The following DLGAP2 variants were observed in gnomAD, a reference collection of about 807,000 sequenced individuals.
DLGAP2 encodes the protein DLG associated protein 2.
A neutral mutation model predicts 100.3 loss-of-function variants in DLGAP2; 26 were observed. The ratio of observed to expected loss-of-function variants is 0.26; its 90% CI spans 0.19 to 0.36. DLGAP2 has a LOEUF of 0.36. DLGAP2 is among the 10% of genes least tolerant of loss of function. The pLI is 1.00. For synonymous variants in DLGAP2, 886 were observed against 630.1 expected (o/e 1.41, Z -6.08); for missense variants, 1,858 against 1,453.2 (o/e 1.28, Z -4.53).
At chr8:783,583 T>C (rs1411326697) in intron 1 of DLGAP2, among the ~76,000 whole-genome samples, 1 of 152,086 alleles carries the variant, frequency 6.6e-6, no homozygotes, top group Non-Finnish European at 1.5e-5. Context: ...GGCTGTGATA[T>C]GAGATGGTTT....
At chr8:1,287,157 T>TGTGCGCGC (rs1315463950) in intron 3 of DLGAP2, among the ~76,000 whole-genome samples, 162 of 99,508 alleles carry the variant, frequency 1.6e-3, no homozygotes, top group African/African-American at 5.0e-3. Context: ...TGTGTGTGTG[T>TGTGCGCGC]GCGCGCGCGC....
chr8:981,367 T>C (rs1800326438), intron 2 of DLGAP2, among the ~76,000 whole-genome samples: 1 of 152,120 alleles, frequency 6.6e-6, no homozygotes, highest in Non-Finnish European at 1.5e-5. Context: ...TATTGTGCTA[T>C]TGTGAATAAG....
At chr8:787,367 G>A (rs1174619226) in intron 1 of DLGAP2, among the ~76,000 whole-genome samples, 1 of 152,158 alleles carries the variant, frequency 6.6e-6, no homozygotes, top group Non-Finnish European at 1.5e-5. Context: ...ATATACCCCT[G>A]GTTAGCCATG....
intron 1 of DLGAP2, among the ~76,000 whole-genome samples, chr8:905,738 C>T (rs1798365534): frequency 6.6e-6 from 1 of 152,160 alleles, no homozygotes. Context: ...GGCGCCAGCT[C>T]CCATGGAGGT....
chr8:1,543,368 A>G (rs896331146), intron 4 of DLGAP2, among the ~76,000 whole-genome samples: 2 of 152,256 alleles, frequency 1.3e-5, no homozygotes, highest in Non-Finnish European at 2.9e-5. Flanking sequence ...ATTTTTGCAG[A>G]TTTTGTAAGA....
At chr8:1,552,267 A>T (rs1486643576) in intron 5 of DLGAP2, among the ~76,000 whole-genome samples, 1 of 152,224 alleles carries the variant, frequency 6.6e-6, no homozygotes, top group Non-Finnish European at 1.5e-5. Flanking sequence ...GGGAGCAGCC[A>T]CGGCTTTCAT....
rs199693205 is a variant in DLGAP2, at chr8:1,697,315, C to A, written c.2949+16C>A. On this transcript the variant is annotated intron_variant, in intron 14 of 14. Transcript: ENST00000637795. ...GGAAAGAAAGGTAAGGGCATCCATGCAGGGCCGGCTCCCAGCAAACCCCCT... is the reference window on the plus strand; with the variant it reads ...GGAAAGAAAGGTAAGGGCATCCATGAAGGGCCGGCTCCCAGCAAACCCCCT... 414 of 1,580,964 alleles carry A rather than the reference C, an allele frequency of 2.6e-4. 1 individual carries two copies. The highest frequency in any genetic ancestry group is 1.7e-4 in the Middle Eastern group (1 of 5,924).
chr8:1,003,159 A>G (rs1372804186), intron 2 of DLGAP2: 2 of 152,204 alleles, frequency 1.3e-5, no homozygotes, highest in Non-Finnish European at 2.9e-5. Flanking sequence ...CTCCTTCAGG[A>G]TGGCGCAGGG....
intron 2 of DLGAP2, among the ~76,000 whole-genome samples, chr8:918,578 G>T (rs1327907974): frequency 2.6e-5 from 4 of 152,184 alleles, no homozygotes; most frequent in Admixed American, 6.5e-5. Context: ...GGTGTTCACC[G>T]CAGTCTTCTG....
At chr8:1,031,334 A>G (rs935750351) in intron 2 of DLGAP2, among the ~76,000 whole-genome samples, 7 of 152,030 alleles carry the variant, frequency 4.6e-5, no homozygotes, top group African/African-American at 1.7e-4. Flanking sequence ...TGCTAGAAGC[A>G]TGTTAGTTAC....
intron 6 of DLGAP2, among the ~76,000 whole-genome samples, chr8:1,575,970 C>T (rs998708640): frequency 1.5e-4 from 23 of 152,090 alleles, no homozygotes; most frequent in African/African-American, 2.4e-4. Flanking sequence ...TATAGTCCTT[C>T]CGGTATATAC....
intron 3 of DLGAP2, chr8:1,302,230 CAT>C (rs1461209987): frequency 6.6e-6 from 1 of 150,820 alleles, no homozygotes; most frequent in African/African-American, 2.5e-5. Context: ...AGCTCTGCTC[CAT>C]ACCTGGGACC....
At chr8:1,334,094 T>G (rs1024871088) in intron 3 of DLGAP2, among the ~76,000 whole-genome samples, 3 of 152,226 alleles carry the variant, frequency 2.0e-5, no homozygotes, top group Non-Finnish European at 4.4e-5. Flanking sequence ...AAACAGCTCA[T>G]GCCTGGACTG....
intron 3 of DLGAP2, among the ~76,000 whole-genome samples, chr8:1,497,738 G>C (rs913437225): frequency 2.6e-5 from 4 of 152,208 alleles, no homozygotes; most frequent in Non-Finnish European, 5.9e-5. Flanking sequence ...GTGGGAACGT[G>C]GTAGAAGTAC....
intron 1 of DLGAP2, among the ~76,000 whole-genome samples, chr8:899,588 G>C (rs1029799498): frequency 1.3e-5 from 2 of 152,194 alleles, no homozygotes; most frequent in African/African-American, 4.8e-5. Context: ...AGGGAGGCCA[G>C]AGATAGAAGA....
chr8:845,026 A>C (rs780108093), intron 1 of DLGAP2, among the ~76,000 whole-genome samples: 9 of 152,350 alleles, frequency 5.9e-5, no homozygotes, highest in African/African-American at 2.2e-4. Flanking sequence ...GCTGAATGAC[A>C]TTCATTTGTA....
chr8:1,084,945 C>G (rs1312226342), intron 2 of DLGAP2, among the ~76,000 whole-genome samples: 1 of 152,236 alleles, frequency 6.6e-6, no homozygotes, highest in Non-Finnish European at 1.5e-5. Context: ...CACCTTCGTA[C>G]TGTTCTCCAG....
intron 2 of DLGAP2, among the ~76,000 whole-genome samples, chr8:1,229,689 T>G (rs914657137): frequency 2.6e-5 from 4 of 152,192 alleles, no homozygotes; most frequent in Admixed American, 1.3e-4. Flanking sequence ...GTAGGCTTCA[T>G]TCTTGGGATG....
intron 3 of DLGAP2, among the ~76,000 whole-genome samples, chr8:1,430,993 A>G (rs1040161678): frequency 6.6e-6 from 1 of 152,242 alleles, no homozygotes; most frequent in Non-Finnish European, 1.5e-5. Context: ...CCTATTTACA[A>G]GATGAGGCTA....
Sources: gnomAD v4.1 joint callset for allele counts (sites outside exome capture counted in the v4.1 genomes callset) on GRCh38, gnomAD v4.1.1 for gene constraint, MANE v1.5 for transcripts, NCBI Gene and HGNC (gene_info 2026-07-23, HGNC 2026-07-21) for gene names.